The following RGR variants were observed in gnomAD, a reference collection of about 807,000 sequenced individuals.
RGR encodes the protein RPE-retinal G protein-coupled receptor.
RGR carries 30 observed loss-of-function variants against 28.6 expected under a neutral mutation model. The ratio of observed to expected loss-of-function variants is 1.05; its 90% confidence interval spans 0.78 to 1.42. The LOEUF is 1.42. Among genes scored for constraint, RGR ranks in the 40% most tolerant of loss-of-function variants. The probability of loss-of-function intolerance (pLI) is 0.00; values close to 1 mark genes in which losing one functional copy is unlikely to be tolerated. For missense variants in RGR, 404 were observed against 375.6 expected, an observed-to-expected ratio of 1.08 and a Z score of -0.62; for synonymous variants, 180 against 156.4, an observed-to-expected ratio of 1.15 and a Z score of -1.13.
At position 84,250,484 on chromosome 10, in the gene RGR, C is replaced by G. The variant is rs928537917; in HGVS notation, c.358+1441C>G. 6 of 715,252 alleles carry G rather than the reference C, an allele frequency of 8.4e-6. No homozygotes were observed. In the African/African-American group the frequency reaches 1.1e-4, roughly 13 times the overall value. The allele number at this position is 715,252 out of a possible 1,614,324, so 44.3% of individuals were successfully genotyped here. On this transcript the variant is annotated intron_variant, in intron 3 of 6. Coordinates refer to ENST00000652092, the MANE Select transcript of RGR (RefSeq NM_001012720.2). ...ACTTCTCCCACTCCTTACATCCCAG[C>G]CCCTGCCCCTAATGCTCCCTTGGAC...
intron 4 of RGR, among the ~76,000 whole-genome samples, chr10:84,253,405 G>A (rs1589333872): frequency 6.6e-6 from 1 of 152,176 alleles, no homozygotes; most frequent in Non-Finnish European, 1.5e-5. Context: ...TAGATTCAAA[G>A]AACATTAAGG....
intron 5 of RGR, 21 bp from the exon 6 acceptor site, chr10:84,257,872 C>T (rs1314840394): frequency 6.2e-7 from 1 of 1,611,018 alleles, no homozygotes; most frequent in South Asian, 1.1e-5. Flanking sequence ...GCTGACATCT[C>T]CTGTGACAAT....
intron 2 of RGR, chr10:84,247,966 G>A: frequency 1.4e-6 from 1 of 710,578 alleles, no homozygotes; most frequent in South Asian, 1.8e-5. Context: ...GAAAGAGATG[G>A]TAGGCTGTAG....
rs1564548177 is a variant in RGR at position 84,247,674 on chromosome 10, G to GTGC, written c.166_168dup (p.Leu56dup). 1.2e-6 allele frequency: 2 copies of GTGC among 1,614,162 alleles called. No homozygotes were observed. The highest frequency in any genetic ancestry group is 2.2e-5 in the South Asian group (2 of 91,084). ...GCTGCGGACTCCCTGCCACCTACTG[G>GTGC]TGCTGAGCTTGGCTCTTGCGGACAG... is the stretch of plus-strand genomic sequence containing the variant. On this transcript the variant is annotated inframe_insertion, in exon 2 of 7. Transcript: ENST00000652092.
At chr10:84,256,152 T>C (rs952077569) in intron 5 of RGR, among the ~76,000 whole-genome samples, 84 of 128,272 alleles carry the variant, frequency 6.5e-4, no homozygotes, top group Admixed American at 2.0e-3. Flanking sequence ...CACTGCAACC[T>C]CCGCCTCTCG....
At position 84,252,886 on chromosome 10, in the gene RGR, T is replaced by C. The variant is rs764724390; in HGVS notation, c.388T>C (p.Ser130Pro). ...RSQLAWNSAV[S>P]LVLFVWLSSA... ...CCAGCTGGCCTGGAACTCAGCCGTC[T>C]CTCTGGTGCTCTTCGTGTGGCTGTC... is the stretch of plus-strand genomic sequence containing the variant. The change falls in exon 4 of 7, where the codon TCT becomes CCT. Residue 130 changes from serine (S) to proline (P), a missense_variant. Physicochemically the swap from Ser to Pro is moderately conservative, Grantham distance 74. Transcript: ENST00000652092. The C allele has an allele frequency of 2.5e-6, 4 of 1,614,052 alleles. No homozygotes were observed. Among genetic ancestry groups the C allele is most frequent in the Non-Finnish European group, 8.5e-7 (1 of 1,180,048 alleles).
chr10:84,252,760 T>G, intron 3 of RGR, 97 bp from the exon 4 acceptor site: 1 of 1,486,256 alleles, frequency 6.7e-7, no homozygotes, highest in Non-Finnish European at 9.3e-7. Flanking sequence ...GTGGATCACT[T>G]GAAGGGACAC....
rs1842906972 is a variant in RGR, at chr10:84,257,893, G to A, written c.631G>A (p.Val211Ile). 1.9e-6 allele frequency: 3 copies of A among 1,613,764 alleles called. No individual in the cohort carries two copies. Among genetic ancestry groups the A allele is most frequent in the African/African-American group, 2.7e-5 (2 of 74,902 alleles). Residue 211 changes from valine (V) to isoleucine (I), a missense_variant and splice_region_variant, in exon 6 of 7, where the codon GTA (valine) becomes ATA (isoleucine). Coordinates refer to ENST00000652092, the MANE Select transcript of RGR (RefSeq NM_001012720.2). The part of the protein sequence containing the change: ...QKLGKSGHLQ[V>I]NTTLPARTLL... ...ATCTCCTGTGACAATTTCTCCCCAG[G>A]TAAACACCACTCTGCCAGCAAGGAC...
chr10:84,257,881 A>G lies in RGR; in HGVS notation c.631-12A>G, dbSNP rs200553193. 8.7e-6 allele frequency: 14 copies of G among 1,613,214 alleles called. No homozygotes were observed. Among genetic ancestry groups the G allele is most frequent in the East Asian group, 2.2e-5 (1 of 44,828 alleles). ...GAGCAAGCTGACATCTCCTGTGACAATTTCTCCCCAGGTAAACACCACTCT... is the reference window on the plus strand; with the variant it reads ...GAGCAAGCTGACATCTCCTGTGACAGTTTCTCCCCAGGTAAACACCACTCT... On this transcript the variant is annotated splice_polypyrimidine_tract_variant and intron_variant, in intron 5 of 6. Transcript: ENST00000652092.
At chr10:84,256,022 C>CTT (rs796550640) in intron 5 of RGR, among the ~76,000 whole-genome samples, 1 of 92,364 alleles carries the variant, frequency 1.1e-5, no homozygotes, top group Non-Finnish European at 2.3e-5. Context: ...CGTGTCCAGC[C>CTT]TTTTTTTTTT....
intron 5 of RGR, among the ~76,000 whole-genome samples, chr10:84,256,084 TTTTTG>T (rs1842883378): frequency 9.0e-6 from 1 of 111,230 alleles, no homozygotes; most frequent in African/African-American, 3.3e-5. Context: ...TTTTTTTTTT[TTTTTG>T]AGACAAGGTC....
rs1343995102 is a variant in RGR, at chr10:84,254,378, CT to C, written c.566del (p.Leu189ProfsTer23). 3.7e-6 allele frequency: 6 copies of C among 1,614,210 alleles called. No individual in the cohort carries two copies. Among genetic ancestry groups the C allele is most frequent in the Admixed American group, 1.7e-5 (1 of 60,030 alleles). ...GTCCTTCTTCAACTTCGCCATGCCC[CT>C]CTTCATCACGATCACTTCCTACAGT... is the stretch of plus-strand genomic sequence containing the variant. ...TMSFFNFAMP[L>X]FITITSYSLM... On this transcript the variant is annotated frameshift_variant, in exon 5 of 7. Coordinates refer to ENST00000652092, the MANE Select transcript of RGR (RefSeq NM_001012720.2). LOFTEE classifies it high-confidence loss of function.
intron 3 of RGR, among the ~76,000 whole-genome samples, chr10:84,252,526 T>C (rs1842831207): frequency 6.6e-6 from 1 of 152,202 alleles, no homozygotes; most frequent in South Asian, 2.1e-4. Context: ...GGATTATCAT[T>C]CCCATTGTGG....
chr10:84,253,079 G>T (rs1222721859), intron 4 of RGR, 69 bp downstream of exon 4: 2 of 1,545,394 alleles, frequency 1.3e-6, no homozygotes, highest in Non-Finnish European at 1.8e-6. Flanking sequence ...CTATGACAAG[G>T]GTGCCCCAGC....
chr10:84,246,181 A>G (rs182813546), intron 1 of RGR, among the ~76,000 whole-genome samples: 37 of 152,354 alleles, frequency 2.4e-4, no homozygotes, highest in Non-Finnish European at 3.5e-4. Flanking sequence ...TTTAATGACT[A>G]GAAATGTCAT....
chr10:84,250,318 G>T, intron 3 of RGR: 1 of 716,898 alleles, frequency 1.4e-6, no homozygotes, highest in East Asian at 2.7e-5. Flanking sequence ...ATAGTCACAT[G>T]TATAGCCCCC....
intron 3 of RGR, among the ~76,000 whole-genome samples, chr10:84,251,656 A>C (rs1421615586): frequency 6.6e-6 from 1 of 152,090 alleles, no homozygotes; most frequent in Non-Finnish European, 1.5e-5. Context: ...GCAATTCTCC[A>C]CCTCAGTCTC....
At chr10:84,250,554 A>ACACACACC in intron 3 of RGR, 1 of 603,140 alleles carries the variant, frequency 1.7e-6, no homozygotes, top group Admixed American at 2.3e-5. Flanking sequence ...ACACACACAC[A>ACACACACC]CCACCTTCTC....
chr10:84,245,194 C>A, intron 1 of RGR, 25 bp downstream of exon 1: 1 of 1,608,146 alleles, frequency 6.2e-7, no homozygotes, highest in Non-Finnish European at 8.5e-7. Context: ...ACCTGGGGTG[C>A]AGCGGGGGCC....
Sources: allele counts gnomAD v4.1 joint callset (sites outside exome capture counted in the v4.1 genomes callset), GRCh38; gene constraint gnomAD v4.1.1; transcripts MANE v1.5; gene names NCBI Gene and HGNC (gene_info 2026-07-23, HGNC 2026-07-21).